PARN: variants seen among roughly 807,000 people sequenced by gnomAD.
PARN encodes the protein poly(A)-specific ribonuclease.
A neutral mutation model predicts 102.8 loss-of-function variants in PARN; 71 were observed. That is an observed-to-expected ratio of 0.69 (90% confidence interval 0.57 to 0.84). The LOEUF (loss-of-function observed/expected upper bound fraction) is 0.84, where lower values mean the gene tolerates loss of function less well. PARN is among the 40% of genes least tolerant of loss of function. The probability of loss-of-function intolerance (pLI) is 0.00; values close to 1 mark genes in which losing one functional copy is unlikely to be tolerated. For missense variants in PARN, 782 were observed against 760.9 expected, an observed-to-expected ratio of 1.03 and a Z score of -0.33; for synonymous variants, 261 against 252.9, an observed-to-expected ratio of 1.03 and a Z score of -0.30.
intron 22 of PARN, among the ~76,000 whole-genome samples, chr16:14,480,786 C>T (rs368037669): frequency 6.6e-6 from 1 of 151,948 alleles, no homozygotes; most frequent in African/African-American, 2.4e-5. Flanking sequence ...ACTAAAAATA[C>T]AAAAATTAAC....
chr16:14,629,771 G>A (rs1332348298), intron 1 of PARN, 97 bp from the exon 2 acceptor site: 3 of 940,728 alleles, frequency 3.2e-6, no homozygotes, highest in African/African-American at 1.6e-5. Flanking sequence ...GCTGAGAGCC[G>A]GAAGGGGAAA....
At chr16:14,444,970 A>C (rs1961129930) in intron 23 of PARN, among the ~76,000 whole-genome samples, 1 of 150,774 alleles carries the variant, frequency 6.6e-6, no homozygotes. Flanking sequence ...ATGCCCGTGC[A>C]GCTAATATTT....
At chr16:14,468,768 A>G (rs1308119368) in intron 22 of PARN, among the ~76,000 whole-genome samples, 4 of 152,130 alleles carry the variant, frequency 2.6e-5, no homozygotes, top group Admixed American at 1.3e-4. Flanking sequence ...CAGTACAGGC[A>G]CAGTGATGTG....
intron 13 of PARN, among the ~76,000 whole-genome samples, chr16:14,586,930 A>G (rs1277566620): frequency 6.6e-6 from 1 of 152,230 alleles, no homozygotes; most frequent in Non-Finnish European, 1.5e-5. Flanking sequence ...AAGTGGCACT[A>G]ATAGCAAGTG....
chr16:14,584,409 T>C lies in PARN; in HGVS notation c.1019A>G (p.Asn340Ser), dbSNP rs768793595. ...STQPFKDIIN[N>S]TSLAELEKRL... Reference sequence around the variant, plus strand: ...CTTTTCCAATTCCGCAAGGGATGTGTTGTTAATGATATCCTGCAAACCACG... The same window carrying C: ...CTTTTCCAATTCCGCAAGGGATGTGCTGTTAATGATATCCTGCAAACCACG... Residue 340 changes from asparagine to serine, a missense_variant, in exon 16 of 24, where the codon AAC (asparagine) becomes AGC (serine). Coordinates refer to ENST00000437198, the MANE Select transcript of PARN (RefSeq NM_002582.4). 12 of 1,612,560 alleles carry C rather than the reference T, an allele frequency of 7.4e-6. No individual in the cohort carries two copies. The highest frequency in any genetic ancestry group is 9.3e-6 in the Non-Finnish European group (11 of 1,178,896).
intron 18 of PARN, among the ~76,000 whole-genome samples, chr16:14,572,319 C>A (rs1052233429): frequency 6.6e-6 from 1 of 151,288 alleles, no homozygotes; most frequent in African/African-American, 2.4e-5. Context: ...CCGTTACTGG[C>A]GAGAGGGCTG....
chr16:14,447,900 C>G (rs1265079169), intron 22 of PARN, among the ~76,000 whole-genome samples: 2 of 152,158 alleles, frequency 1.3e-5, no homozygotes, highest in African/African-American at 4.8e-5. Flanking sequence ...ATAAAATGAT[C>G]TTACCAGCTT....
At chr16:14,517,639 T>C (rs1965522398) in intron 21 of PARN, among the ~76,000 whole-genome samples, 1 of 152,222 alleles carries the variant, frequency 6.6e-6, no homozygotes, top group Admixed American at 6.5e-5. Context: ...AAACAGAATA[T>C]GCCTGAAGAT....
At chr16:14,537,864 A>G (rs1384160671) in intron 21 of PARN, among the ~76,000 whole-genome samples, 1 of 152,236 alleles carries the variant, frequency 6.6e-6, no homozygotes, top group Non-Finnish European at 1.5e-5. Context: ...ATGTTCTGGC[A>G]GCACTGGAAG....
At chr16:14,592,823 A>G (rs1970275543) in intron 13 of PARN, among the ~76,000 whole-genome samples, 1 of 152,208 alleles carries the variant, frequency 6.6e-6, no homozygotes. Flanking sequence ...TGGCAATGGC[A>G]GTGACTGAAG....
intron 6 of PARN, among the ~76,000 whole-genome samples, chr16:14,614,108 T>C (rs891351025): frequency 2.0e-5 from 3 of 151,830 alleles, no homozygotes; most frequent in African/African-American, 7.3e-5. Flanking sequence ...AACATAAAAA[T>C]TAGCTGGACA....
At chr16:14,456,826 C>T (rs943325883) in intron 22 of PARN, among the ~76,000 whole-genome samples, 1 of 152,176 alleles carries the variant, frequency 6.6e-6, no homozygotes, top group Non-Finnish European at 1.5e-5. Context: ...CCGCACCATC[C>T]CCACGGAGGA....
intron 21 of PARN, among the ~76,000 whole-genome samples, chr16:14,537,079 G>A (rs1199189630): frequency 2.0e-5 from 3 of 152,092 alleles, no homozygotes; most frequent in African/African-American, 7.2e-5. Context: ...CAAGAACTCA[G>A]ACAATTCAAT....
chr16:14,478,426 G>A (rs118096591), intron 22 of PARN, among the ~76,000 whole-genome samples: 128 of 152,246 alleles, frequency 8.4e-4, no homozygotes, highest in Non-Finnish European at 1.2e-3. Context: ...ATTTCTTAAC[G>A]TACTAGAAAT....
chr16:14,561,327 A>G (rs80072747), intron 18 of PARN, among the ~76,000 whole-genome samples: 6,504 of 152,184 alleles, frequency 0.043, 155 homozygotes, highest in African/African-American at 0.052. Flanking sequence ...ATCACCTGGG[A>G]ACTTGTTAGA....
At chr16:14,627,761 G>C (rs752721842) in intron 3 of PARN, among the ~76,000 whole-genome samples, 8 of 152,188 alleles carry the variant, frequency 5.3e-5, no homozygotes, top group Non-Finnish European at 7.3e-5. Flanking sequence ...GCTAAAGCAG[G>C]AGGATCATTT....
intron 12 of PARN, among the ~76,000 whole-genome samples, chr16:14,594,753 T>C (rs1371193596): frequency 6.6e-6 from 1 of 152,138 alleles, no homozygotes; most frequent in Non-Finnish European, 1.5e-5. Flanking sequence ...GCTTTTACTA[T>C]AACCCAAAGG....
chr16:14,516,131 C>CTTA (rs1965444586), intron 21 of PARN, among the ~76,000 whole-genome samples: 2 of 151,424 alleles, frequency 1.3e-5, no homozygotes, highest in African/African-American at 4.9e-5. Flanking sequence ...CACAACTTGC[C>CTTA]TTAAGAGAAA....
intron 18 of PARN, among the ~76,000 whole-genome samples, chr16:14,564,338 C>A (rs1438903012): frequency 6.6e-6 from 1 of 152,130 alleles, no homozygotes; most frequent in Non-Finnish European, 1.5e-5. Context: ...TGGCGTGGAG[C>A]CCTGATACAA....
Sources: gnomAD v4.1 joint callset for allele counts (sites outside exome capture counted in the v4.1 genomes callset) on GRCh38, gnomAD v4.1.1 for gene constraint, MANE v1.5 for transcripts, NCBI Gene and HGNC (gene_info 2026-07-23, HGNC 2026-07-21) for gene names.